Variants in ADAM32 observed in about 807,000 individuals in gnomAD.
The protein encoded by ADAM32 is ADAM metallopeptidase domain 32.
ADAM32 carries 89 observed loss-of-function variants against 114.9 expected under a neutral mutation model. That is an observed-to-expected ratio of 0.77 (90% CI 0.65 to 0.92). The LOEUF (loss-of-function observed/expected upper bound fraction) is 0.92, where lower values mean the gene tolerates loss of function less well. ADAM32 is among the 40% of genes least tolerant of loss of function. The probability of loss-of-function intolerance (pLI) is 0.00; values close to 1 mark genes in which losing one functional copy is unlikely to be tolerated. For synonymous variants in ADAM32, 285 were observed against 307.5 expected, an observed-to-expected ratio of 0.93 and a Z score of 0.77; for missense variants, 870 against 932.8, an observed-to-expected ratio of 0.93 and a Z score of 0.88.
intron 19 of ADAM32, among the ~76,000 whole-genome samples, chr8:39,261,570 C>A (rs1320392124): frequency 6.6e-6 from 1 of 152,116 alleles, no homozygotes; most frequent in East Asian, 1.9e-4. Flanking sequence ...GGATAAATAC[C>A]CAGTGGTGTG....
chr8:39,152,172 T>A (rs1441397607), intron 6 of ADAM32, among the ~76,000 whole-genome samples: 1 of 152,142 alleles, frequency 6.6e-6, no homozygotes, highest in Non-Finnish European at 1.5e-5. Context: ...AAGGTTATAT[T>A]CATGACCAAC....
intron 20 of ADAM32, among the ~76,000 whole-genome samples, chr8:39,273,388 G>T (rs186854644): frequency 6.6e-6 from 1 of 151,894 alleles, no homozygotes; most frequent in African/African-American, 2.4e-5. Context: ...TTAGCCAGGC[G>T]TGGTGGCACA....
At chr8:39,159,794 C>A (rs750315013) in intron 6 of ADAM32, among the ~76,000 whole-genome samples, 14 of 152,234 alleles carry the variant, frequency 9.2e-5, no homozygotes, top group Non-Finnish European at 1.9e-4. Context: ...AACCATAATT[C>A]TTTGAGAACA....
chr8:39,180,432 C>T (rs917785656), intron 10 of ADAM32, among the ~76,000 whole-genome samples: 6 of 152,236 alleles, frequency 3.9e-5, no homozygotes, highest in Non-Finnish European at 5.9e-5. Flanking sequence ...GGCTCCTTTG[C>T]GGCCCGAGCC....
chr8:39,257,706 C>T (rs1297433340), intron 19 of ADAM32, among the ~76,000 whole-genome samples: 1 of 152,028 alleles, frequency 6.6e-6, no homozygotes, highest in African/African-American at 2.4e-5. Context: ...TATTTTAATT[C>T]ACATTGCTGG....
chr8:39,210,771 C>T (rs907036396), intron 11 of ADAM32, among the ~76,000 whole-genome samples: 1 of 152,072 alleles, frequency 6.6e-6, no homozygotes, highest in African/African-American at 2.4e-5. Context: ...GGACTAAGCA[C>T]ATTATCATTT....
intron 6 of ADAM32, chr8:39,158,106 C>A (rs1224737325): frequency 6.6e-5 from 15 of 225,760 alleles, no homozygotes; most frequent in Admixed American, 4.7e-4. Context: ...ACGCTTGCTT[C>A]ACAGGTACCT....
intron 24 of ADAM32, among the ~76,000 whole-genome samples, chr8:39,283,987 T>TG: frequency 6.6e-6 from 1 of 152,254 alleles, no homozygotes; most frequent in African/African-American, 2.4e-5. Flanking sequence ...TTGGCTAGGC[T>TG]GGTCTTGAAC....
At chr8:39,127,993 T>G (rs1802217225) in intron 2 of ADAM32, among the ~76,000 whole-genome samples, 1 of 151,924 alleles carries the variant, frequency 6.6e-6, no homozygotes, top group Non-Finnish European at 1.5e-5. Flanking sequence ...TGGTTTTGAC[T>G]GAATTTCTTA....
At chr8:39,283,707 G>C in intron 24 of ADAM32, 83 bp downstream of exon 24, 1 of 1,090,680 alleles carries the variant, frequency 9.2e-7, no homozygotes, top group East Asian at 2.8e-5. Context: ...TAATTCCTAA[G>C]TATGGACTGG....
intron 6 of ADAM32, among the ~76,000 whole-genome samples, chr8:39,154,830 A>G (rs903003056): frequency 2.6e-5 from 4 of 151,040 alleles, no homozygotes; most frequent in African/African-American, 9.7e-5. Context: ...TGTTGGTTGC[A>G]TAAATGTCTT....
intron 11 of ADAM32, among the ~76,000 whole-genome samples, chr8:39,202,585 G>A (rs1431919405): frequency 6.6e-6 from 1 of 152,110 alleles, no homozygotes; most frequent in East Asian, 1.9e-4. Flanking sequence ...CCAGCTCCTG[G>A]ATTCATTGAT....
At chr8:39,267,713 G>T (rs1406158538) in intron 19 of ADAM32, among the ~76,000 whole-genome samples, 1 of 152,210 alleles carries the variant, frequency 6.6e-6, no homozygotes, top group East Asian at 1.9e-4. Flanking sequence ...AACACAGCTT[G>T]TCCCTGCTAC....
chr8:39,266,039 C>T (rs1812327841), intron 19 of ADAM32, among the ~76,000 whole-genome samples: 1 of 152,152 alleles, frequency 6.6e-6, no homozygotes. Flanking sequence ...CTGCTGCTAG[C>T]CTGTTGGGGT....
chr8:39,232,173 T>G (rs749353548), intron 15 of ADAM32, 38 bp downstream of exon 15: 1 of 1,503,822 alleles, frequency 6.6e-7, no homozygotes, highest in Non-Finnish European at 9.1e-7. Context: ...TTTCTTATAT[T>G]CTATTAGATT....
intron 2 of ADAM32, among the ~76,000 whole-genome samples, chr8:39,132,502 C>T (rs1287793667): frequency 1.3e-5 from 2 of 152,180 alleles, no homozygotes; most frequent in Non-Finnish European, 2.9e-5. Context: ...TTAAACCCAA[C>T]TATATATCAT....
Position 39,211,321 on chromosome 8 carries a change from G to A in ADAM32, c.1230G>A (p.Glu410=). 8.0e-6 allele frequency: 12 copies of A among 1,505,218 alleles called. No individual in the cohort carries two copies. Among genetic ancestry groups the A allele is most frequent in the Non-Finnish European group, 1.1e-5 (12 of 1,130,688 alleles). The allele number at this position is 1,505,218 out of a possible 1,614,324, so 93.2% of individuals were successfully genotyped here. A position where few individuals can be genotyped will look rare whatever the true frequency, so the allele number is the denominator to read the frequency against. Residue 410 remains glutamate, a synonymous_variant, in exon 12 of 25, where the codon GAG becomes GAA. Coordinates refer to ENST00000379907, the MANE Select transcript of ADAM32 (RefSeq NM_145004.7). ...EGNEICDCGT[E]AQCGPASCCD... ...ATGAAATCTGTGATTGTGGTACTGA[G>A]GCTGTAAGTATGATAACTAGGAAAA...
intron 21 of ADAM32, among the ~76,000 whole-genome samples, 162 bp downstream of exon 21, chr8:39,274,512 T>C (rs539376675): frequency 3.9e-4 from 60 of 152,346 alleles, no homozygotes; most frequent in Admixed American, 1.6e-3. Flanking sequence ...TCTAATAAAT[T>C]AGTCATTTCT....
At chr8:39,263,546 G>C (rs1294507387) in intron 19 of ADAM32, among the ~76,000 whole-genome samples, 2 of 151,280 alleles carry the variant, frequency 1.3e-5, no homozygotes, top group South Asian at 4.2e-4. Flanking sequence ...TTTTTCTTTT[G>C]CGATTGGAAT....
Sources: gnomAD v4.1 joint callset for allele counts (sites outside exome capture counted in the v4.1 genomes callset) on GRCh38, gnomAD v4.1.1 for gene constraint, MANE v1.5 for transcripts, NCBI Gene and HGNC (gene_info 2026-07-23, HGNC 2026-07-21) for gene names.